Variants in NFIB observed in about 807,000 individuals in gnomAD.
The protein encoded by NFIB is nuclear factor I B.
Under a neutral mutation model 61.5 loss-of-function variants are expected in NFIB, and 11 were observed. The ratio of observed to expected loss-of-function variants is 0.18; its 90% CI spans 0.11 to 0.30. NFIB has a LOEUF of 0.30. NFIB is among the 10% of genes least tolerant of loss of function. The probability of loss-of-function intolerance (pLI) is 1.00; values close to 1 mark genes in which losing one functional copy is unlikely to be tolerated. For missense variants in NFIB, 471 were observed against 608.9 expected (o/e 0.77, Z 2.38); for synonymous variants, 260 against 216.5 (o/e 1.20, Z -1.76).
chr9:14,163,225 C>T (rs1453510619), intron 3 of NFIB, among the ~76,000 whole-genome samples: 3 of 151,530 alleles, frequency 2.0e-5, no homozygotes, highest in Non-Finnish European at 4.4e-5. Context: ...AGAATGCAAT[C>T]AAGGCAGCAA....
chr9:14,515,750 T>G, the NFIB span, among the ~76,000 whole-genome samples: 4 of 152,134 alleles, frequency 2.6e-5, no homozygotes, highest in African/African-American at 9.7e-5. Flanking sequence ...GCTGACTCAG[T>G]GGGTTGGGGG....
At chr9:14,188,489 A>G (rs1440427764) in intron 2 of NFIB, among the ~76,000 whole-genome samples, 1 of 152,220 alleles carries the variant, frequency 6.6e-6, no homozygotes, top group African/African-American at 2.4e-5. Context: ...AAACTAAAAC[A>G]TTATTTATTC....
At chr9:14,473,071 A>C in the NFIB span, among the ~76,000 whole-genome samples, 1 of 152,152 alleles carries the variant, frequency 6.6e-6, no homozygotes, top group African/African-American at 2.4e-5. Context: ...CTTAAACCCC[A>C]CACCCTACCT....
chr9:14,148,823 C>A (rs958246055), intron 5 of NFIB, among the ~76,000 whole-genome samples: 2 of 152,192 alleles, frequency 1.3e-5, no homozygotes, highest in Non-Finnish European at 2.9e-5. Context: ...TCTATCCATG[C>A]TAAGCTTAGT....
the NFIB span, among the ~76,000 whole-genome samples, chr9:14,479,079 A>T: frequency 1.3e-5 from 2 of 152,336 alleles, no homozygotes; most frequent in East Asian, 3.9e-4. Flanking sequence ...CCCACTGCAA[A>T]TCTACATGAC....
At chr9:14,458,192 G>C in the NFIB span, among the ~76,000 whole-genome samples, 2 of 152,122 alleles carry the variant, frequency 1.3e-5, no homozygotes, top group African/African-American at 4.8e-5. Flanking sequence ...TTCATCCCTG[G>C]GATGCAAGGC....
At chr9:14,271,576 C>G (rs1274594277) in intron 2 of NFIB, among the ~76,000 whole-genome samples, 1 of 152,114 alleles carries the variant, frequency 6.6e-6, no homozygotes, top group African/African-American at 2.4e-5. Context: ...AGAGACTCAG[C>G]TGGACGAAAC....
intron 2 of NFIB, among the ~76,000 whole-genome samples, chr9:14,226,215 T>G (rs1398611297): frequency 6.6e-6 from 1 of 152,054 alleles, no homozygotes; most frequent in Admixed American, 6.6e-5. Flanking sequence ...TTGGATAACT[T>G]TTTTTTGGCT....
chr9:14,452,906 G>A, the NFIB span, among the ~76,000 whole-genome samples: 1 of 152,306 alleles, frequency 6.6e-6, no homozygotes, highest in East Asian at 1.9e-4. Flanking sequence ...AATAAAAGCA[G>A]GAACAATCAC....
intron 2 of NFIB, among the ~76,000 whole-genome samples, chr9:14,271,039 C>T (rs894642855): frequency 1.3e-5 from 2 of 152,018 alleles, no homozygotes; most frequent in African/African-American, 4.8e-5. Context: ...CCCATTCTCA[C>T]GTATGCATGT....
chr9:14,443,714 A>C, the NFIB span, among the ~76,000 whole-genome samples: 1 of 152,064 alleles, frequency 6.6e-6, no homozygotes, highest in Non-Finnish European at 1.5e-5. Context: ...TCACCCTTTA[A>C]TTTTCCACAT....
intron 2 of NFIB, among the ~76,000 whole-genome samples, chr9:14,279,374 T>A (rs1221348201): frequency 6.6e-6 from 1 of 152,122 alleles, no homozygotes. Flanking sequence ...CCAAGTTGTA[T>A]CCCCTTCCCA....
At chr9:14,474,552 C>T in the NFIB span, among the ~76,000 whole-genome samples, 3 of 152,208 alleles carry the variant, frequency 2.0e-5, no homozygotes, top group Non-Finnish European at 4.4e-5. Context: ...TAAAGTCAAG[C>T]ATCAACCTTA....
At chr9:14,213,982 T>C (rs1160885579) in intron 2 of NFIB, among the ~76,000 whole-genome samples, 1 of 152,142 alleles carries the variant, frequency 6.6e-6, no homozygotes. Flanking sequence ...TCACCTCACA[T>C]CATTTTACTT....
chr9:14,279,493 T>C (rs1201125303), intron 2 of NFIB, among the ~76,000 whole-genome samples: 2 of 152,124 alleles, frequency 1.3e-5, no homozygotes, highest in African/African-American at 4.8e-5. Flanking sequence ...GACTGCTCCA[T>C]AGAGAAGGCA....
the NFIB span, among the ~76,000 whole-genome samples, chr9:14,494,630 G>C: frequency 1.3e-5 from 2 of 152,186 alleles, no homozygotes; most frequent in Admixed American, 6.5e-5. Context: ...TGGCTATTGA[G>C]ACTTCTGCTT....
At chr9:14,295,155 A>G (rs1179617528) in intron 2 of NFIB, among the ~76,000 whole-genome samples, 1 of 152,238 alleles carries the variant, frequency 6.6e-6, no homozygotes, top group Non-Finnish European at 1.5e-5. Context: ...AACACGATAG[A>G]AAAGGAGGAA....
chr9:14,320,187 C>T (rs2060630407), intron 1 of NFIB, among the ~76,000 whole-genome samples: 1 of 152,174 alleles, frequency 6.6e-6, no homozygotes, highest in Non-Finnish European at 1.5e-5. Flanking sequence ...GAAACCGTCA[C>T]CATTTCTTGT....
chr9:14,186,175 T>G (rs1222060214), intron 2 of NFIB, among the ~76,000 whole-genome samples: 1 of 152,202 alleles, frequency 6.6e-6, no homozygotes, highest in Non-Finnish European at 1.5e-5. Flanking sequence ...GCTCTAAAAT[T>G]CTATGATTCC....
Sources: allele counts gnomAD v4.1 joint callset (sites outside exome capture counted in the v4.1 genomes callset), GRCh38; gene constraint gnomAD v4.1.1; transcripts MANE v1.5; gene names NCBI Gene and HGNC (gene_info 2026-07-23, HGNC 2026-07-21).